ACSM5: variants seen among roughly 807,000 people sequenced by gnomAD.
ACSM5 encodes acyl-CoA synthetase medium chain family member 5, also known as acyl-coenzyme A synthetase ACSM5, mitochondrial.
ACSM5 carries 56 observed loss-of-function variants against 71.6 expected under a neutral mutation model. The observed-to-expected ratio is 0.78, with a 90% CI of 0.63 to 0.98. The LOEUF is 0.98. Ranked by LOEUF, ACSM5 falls within the 50% of genes least tolerant of loss-of-function variation. The probability of loss-of-function intolerance (pLI) is 0.00; values close to 1 mark genes in which losing one functional copy is unlikely to be tolerated. For synonymous variants in ACSM5, 285 were observed against 281.5 expected, an observed-to-expected ratio of 1.01 and a Z score of -0.12; for missense variants, 723 against 726.0, an observed-to-expected ratio of 1.00 and a Z score of 0.05.
At chr16:20,423,807 A>T in intron 5 of ACSM5, 109 bp from the exon 6 acceptor site, 1 of 1,321,972 alleles carries the variant, frequency 7.6e-7, no homozygotes, top group Non-Finnish European at 1.1e-6. Flanking sequence ...TCACAAGTAT[A>T]AGTGAGTACC....
intron 7 of ACSM5, among the ~76,000 whole-genome samples, 190 bp downstream of exon 7, chr16:20,428,057 C>T (rs1206035222): frequency 1.3e-5 from 2 of 152,200 alleles, no homozygotes; most frequent in Admixed American, 6.5e-5. Context: ...GACAAGTCAA[C>T]ATACCTGTAA....
chr16:20,427,040 T>C (rs546463484), intron 6 of ACSM5, among the ~76,000 whole-genome samples: 404 of 151,400 alleles, frequency 2.7e-3, no homozygotes, highest in African/African-American at 9.1e-3. Context: ...CAGTGGTTCA[T>C]ACCTGTAATC....
Position 20,437,347 on chromosome 16 carries a change from C to T in ACSM5, c.1516C>T (p.Pro506Ser). 1 of 1,613,704 alleles carries T rather than the reference C, an allele frequency of 6.2e-7. No individual in the cohort carries two copies. The highest frequency in any genetic ancestry group is 8.5e-7 in the Non-Finnish European group (1 of 1,179,846). The change falls in exon 12 of 14, where the codon CCA becomes TCA. Residue 506 changes from proline (P) to serine (S), a missense_variant. Physicochemically the swap from Pro to Ser is moderately conservative, Grantham distance 74 (BLOSUM62 -1). Coordinates refer to ENST00000331849, the MANE Select transcript of ACSM5 (RefSeq NM_017888.3). ...AVLESAVVSS[P>S]DPIRGEVVKA... ...CCTGGAGTCGGCTGTGGTCAGCAGC[C>T]CAGACCCCATCAGGGGAGAGGTAAC...
chr16:20,420,305 A>G (rs558526736), intron 4 of ACSM5, among the ~76,000 whole-genome samples: 8 of 152,282 alleles, frequency 5.3e-5, no homozygotes, highest in Non-Finnish European at 8.8e-5. Context: ...TTTTTTAAAA[A>G]AATCAGCCCA....
rs772341329 is a variant in ACSM5 at position 20,411,586 on chromosome 16, G to T, written c.102G>T (p.Lys34Asn). 5.0e-6 allele frequency: 8 copies of T among 1,614,194 alleles called. No homozygotes were observed. The highest frequency in any genetic ancestry group is 1.7e-5 in the Admixed American group (1 of 60,030). ...GKPAPLPVPQKIVATWEAISL... is the reference protein window; with the variant it reads ...GKPAPLPVPQNIVATWEAISL... ...CAGCACCTCTACCTGTTCCTCAGAA[G>T]ATCGTGGCCACCTGGGAAGCCATCA... is the stretch of plus-strand genomic sequence containing the variant. The change falls in exon 2 of 14, where the codon AAG (lysine) becomes AAT (asparagine). Residue 34 changes from lysine to asparagine, a missense_variant. Coordinates refer to ENST00000331849, the MANE Select transcript of ACSM5 (RefSeq NM_017888.3).
intron 10 of ACSM5, among the ~76,000 whole-genome samples, chr16:20,436,046 T>C (rs1189981011): frequency 6.6e-6 from 1 of 151,020 alleles, no homozygotes; most frequent in Admixed American, 6.6e-5. Flanking sequence ...TCTTTCTTTC[T>C]CTTTCTTTCT....
chr16:20,435,982 CTTTCTTTCT>C (rs1417833571), intron 10 of ACSM5, among the ~76,000 whole-genome samples: 43 of 144,474 alleles, frequency 3.0e-4, no homozygotes, highest in Non-Finnish European at 6.0e-4. Context: ...TTCCTTTTTT[CTTTCTTTCT>C]TTTCTTTCTC....
At chr16:20,424,961 C>G (rs1966950028) in intron 6 of ACSM5, among the ~76,000 whole-genome samples, 1 of 152,184 alleles carries the variant, frequency 6.6e-6, no homozygotes, top group African/African-American at 2.4e-5. Context: ...AATGGGGTAT[C>G]CATACCCTCA....
chr16:20,421,434 A>G (rs761753123), intron 5 of ACSM5, 33 bp downstream of exon 5: 3 of 1,534,780 alleles, frequency 2.0e-6, no homozygotes, highest in South Asian at 1.2e-5. Flanking sequence ...GGATCCAAGA[A>G]CAGAAAGTGG....
At chr16:20,438,954 T>C (rs1384875115) in intron 12 of ACSM5, among the ~76,000 whole-genome samples, 12 of 92,686 alleles carry the variant, frequency 1.3e-4, no homozygotes, top group African/African-American at 3.2e-4. Context: ...GACTCTGTCT[T>C]AAAAAAAAAA....
At chr16:20,425,834 T>A (rs1362543289) in intron 6 of ACSM5, among the ~76,000 whole-genome samples, 1 of 151,978 alleles carries the variant, frequency 6.6e-6, no homozygotes, top group African/African-American at 2.4e-5. Context: ...ACCTGTTGAT[T>A]TATGGGCATT....
chr16:20,410,241 G>GTTA (rs1966845025), intron 1 of ACSM5, among the ~76,000 whole-genome samples: 2 of 152,048 alleles, frequency 1.3e-5, no homozygotes, highest in Admixed American at 1.3e-4. Flanking sequence ...ACCATATTTT[G>GTTA]TTATTATTAT....
chr16:20,418,029 C>CT (rs750117508), intron 2 of ACSM5, 30 bp from the exon 3 acceptor site: 1,828 of 1,528,844 alleles, frequency 1.2e-3, no homozygotes, highest in Middle Eastern at 1.6e-3. Flanking sequence ...TAAATTGCTT[C>CT]TTTTTTTTTC....
chr16:20,413,695 T>G (rs1409293219), intron 2 of ACSM5, among the ~76,000 whole-genome samples: 5 of 152,142 alleles, frequency 3.3e-5, no homozygotes, highest in African/African-American at 4.8e-5. Flanking sequence ...GCTGTGTGCT[T>G]TCCTAGGGCT....
At chr16:20,437,953 G>A (rs1222453278) in intron 12 of ACSM5, among the ~76,000 whole-genome samples, 1 of 150,138 alleles carries the variant, frequency 6.7e-6, no homozygotes, top group Admixed American at 6.6e-5. Flanking sequence ...ACCCCCCCCA[G>A]TAGCTGGGAT....
chr16:20,422,291 T>C (rs773707759), intron 5 of ACSM5, among the ~76,000 whole-genome samples: 1 of 152,042 alleles, frequency 6.6e-6, no homozygotes, highest in Non-Finnish European at 1.5e-5. Flanking sequence ...TTTGTATTTT[T>C]AGTAGAGACC....
rs761689664 is a variant in ACSM5, at chr16:20,437,054, C to T, written c.1311C>T (p.Asp437=). 6.2e-7 allele frequency: 1 copy of T among 1,614,058 alleles called. No homozygotes were observed. ...RPFCFFNCYL[D]NPEKTAASEQ... ...CACGGGTTGTCTTTGTCTTTCAGGACAATCCTGAGAAGACAGCTGCATCAG... is the reference window on the plus strand; with the variant it reads ...CACGGGTTGTCTTTGTCTTTCAGGATAATCCTGAGAAGACAGCTGCATCAG... Residue 437 remains aspartate, a splice_region_variant and synonymous_variant, in exon 11 of 14, where the codon GAC becomes GAT. Transcript: ENST00000331849.
chr16:20,440,154 A>G (rs987916876), intron 13 of ACSM5, 190 bp from the exon 14 acceptor site: 1 of 664,138 alleles, frequency 1.5e-6, no homozygotes, highest in African/African-American at 1.8e-5. Context: ...TACAAGAGGT[A>G]GTGCTCAAAT....
chr16:20,439,572 G>A (rs1352257742), intron 12 of ACSM5, among the ~76,000 whole-genome samples: 2 of 150,742 alleles, frequency 1.3e-5, no homozygotes, highest in African/African-American at 2.4e-5. Flanking sequence ...TGAGAAAGAG[G>A]TAGGAGTTTG....
Sources: gnomAD v4.1 joint callset for allele counts (sites outside exome capture counted in the v4.1 genomes callset) on GRCh38, gnomAD v4.1.1 for gene constraint, MANE v1.5 for transcripts, NCBI Gene and HGNC (gene_info 2026-07-23, HGNC 2026-07-21) for gene names.